UGT1A10: variants seen among roughly 807,000 people sequenced by gnomAD.
UGT1A10 encodes the protein UDP glucuronosyltransferase family 1 member A10, also known as UDP-glucuronosyltransferase 1A10.
UGT1A10 carries 49 observed loss-of-function variants against 45.8 expected under a neutral mutation model. The ratio of observed to expected loss-of-function variants is 1.07; its 90% CI spans 0.85 to 1.36. The LOEUF (loss-of-function observed/expected upper bound fraction) is 1.36. UGT1A10 is among the 40% of genes most tolerant of loss of function. The pLI is 0.00. For synonymous variants in UGT1A10, 284 were observed against 249.7 expected, an observed-to-expected ratio of 1.14 and a Z score of -1.29; for missense variants, 745 against 668.6, an observed-to-expected ratio of 1.11 and a Z score of -1.26.
chr2:233,725,696 T>A (rs1461246019), intron 1 of UGT1A10, among the ~76,000 whole-genome samples: 1 of 152,258 alleles, frequency 6.6e-6, no homozygotes, highest in African/African-American at 2.4e-5. Context: ...AATAGTCATA[T>A]GTAGTTAGTG....
chr2:233,673,020 T>C (rs2074248556), intron 1 of UGT1A10, among the ~76,000 whole-genome samples: 1 of 152,228 alleles, frequency 6.6e-6, no homozygotes, highest in Admixed American at 6.5e-5. Context: ...ATATTCAGCC[T>C]ACATTTTTAA....
intron 1 of UGT1A10, among the ~76,000 whole-genome samples, chr2:233,715,166 G>A (rs568439911): frequency 2.0e-5 from 3 of 152,228 alleles, no homozygotes; most frequent in East Asian, 3.9e-4. Context: ...AATTACAGGC[G>A]CGAGCCACCA....
At chr2:233,738,533 C>T (rs762024449) in intron 1 of UGT1A10, among the ~76,000 whole-genome samples, 4 of 152,178 alleles carry the variant, frequency 2.6e-5, no homozygotes, top group African/African-American at 9.7e-5. Context: ...CAATGAAGTC[C>T]AGGCTGAGTC....
At chr2:233,679,308 C>A (rs139056662) in intron 1 of UGT1A10, among the ~76,000 whole-genome samples, 28 of 152,316 alleles carry the variant, frequency 1.8e-4, no homozygotes, top group African/African-American at 6.0e-4. Flanking sequence ...CTTGATGGAA[C>A]CAATCCAGAA....
chr2:233,640,892 C>T (rs1339535752), intron 1 of UGT1A10, among the ~76,000 whole-genome samples: 2 of 152,134 alleles, frequency 1.3e-5, no homozygotes, highest in Admixed American at 1.3e-4. Context: ...AAGAGCTAGG[C>T]TGGCAGGACC....
At chr2:233,747,348 G>A (rs1230445654) in intron 1 of UGT1A10, 17 of 1,603,310 alleles carry the variant, frequency 1.1e-5, no homozygotes, top group African/African-American at 4.0e-5. Context: ...TCGCATGCGG[G>A]AGGCCGTGCG....
At chr2:233,723,514 A>ACC (rs1243846588) in intron 1 of UGT1A10, among the ~76,000 whole-genome samples, 21 of 107,656 alleles carry the variant, frequency 2.0e-4, no homozygotes, top group African/African-American at 9.0e-4. Flanking sequence ...CTGGTCAACA[A>ACC]TCTTTTTTTT....
Position 233,636,555 on chromosome 2 carries a change from T to G in UGT1A10, c.33T>G (p.Pro11=). Residue 11 remains proline, a synonymous_variant, in exon 1 of 5, where the codon CCT becomes CCG. Transcript: ENST00000344644. MARAGWTSPV[P]LCVCLLLTCG... ...GCGCAGGGTGGACCAGCCCCGTTCC[T>G]TTATGTGTGTGTCTACTGCTGACCT... 1 of 1,614,156 alleles carries G rather than the reference T, an allele frequency of 6.2e-7. No homozygotes were observed. The highest frequency in any genetic ancestry group is 1.1e-5 in the South Asian group (1 of 91,078).
chr2:233,772,227 T>G, intron 4 of UGT1A10, 35 bp from the exon 5 acceptor site: 7 of 1,613,472 alleles, frequency 4.3e-6, no homozygotes, highest in Non-Finnish European at 5.1e-6. Flanking sequence ...ATACCACAGG[T>G]GTTCCAGGCA....
intron 1 of UGT1A10, chr2:233,719,192 T>A (rs770140125): frequency 1.2e-5 from 20 of 1,614,046 alleles, no homozygotes; most frequent in Admixed American, 1.2e-4. Flanking sequence ...CTTTGGCCCT[T>A]CATAGGTGTT....
chr2:233,723,176 A>G (rs1210929183), intron 1 of UGT1A10, among the ~76,000 whole-genome samples: 2 of 134,084 alleles, frequency 1.5e-5, no homozygotes, highest in African/African-American at 5.9e-5. Context: ...TGCCCAAACC[A>G]TAGAAGGGTC....
At chr2:233,738,538 T>C (rs1559382457) in intron 1 of UGT1A10, among the ~76,000 whole-genome samples, 1 of 152,194 alleles carries the variant, frequency 6.6e-6, no homozygotes, top group Non-Finnish European at 1.5e-5. Context: ...AAGTCCAGGC[T>C]GAGTCTCAGA....
chr2:233,770,111 G>A (rs1335443900), intron 4 of UGT1A10: 1 of 152,202 alleles, frequency 6.6e-6, no homozygotes, highest in Non-Finnish European at 1.5e-5. Flanking sequence ...TGTAACCTAA[G>A]AACAACTTGG....
At chr2:233,670,596 G>T (rs2074163409) in intron 1 of UGT1A10, among the ~76,000 whole-genome samples, 1 of 152,190 alleles carries the variant, frequency 6.6e-6, no homozygotes, top group Non-Finnish European at 1.5e-5. Context: ...TGATTCAAAA[G>T]CACTCATCTC....
intron 1 of UGT1A10, among the ~76,000 whole-genome samples, chr2:233,655,037 C>G (rs769656199): frequency 1.3e-4 from 20 of 151,428 alleles, no homozygotes; most frequent in Non-Finnish European, 2.4e-4. Flanking sequence ...TGCAGTGAGC[C>G]GAGATCATAC....
At chr2:233,747,624 A>C in intron 1 of UGT1A10, 3 of 1,577,546 alleles carry the variant, frequency 1.9e-6, no homozygotes, top group Non-Finnish European at 2.6e-6. Flanking sequence ...TGAGGCCCTG[A>C]TCAGGCACCT....
intron 1 of UGT1A10, among the ~76,000 whole-genome samples, chr2:233,694,153 A>T (rs1344933660): frequency 2.0e-5 from 3 of 152,202 alleles, no homozygotes; most frequent in African/African-American, 7.2e-5. Flanking sequence ...GAAATGTCCC[A>T]GTTCAAACAG....
At chr2:233,675,885 C>T (rs925540036) in intron 1 of UGT1A10, among the ~76,000 whole-genome samples, 27 of 152,070 alleles carry the variant, frequency 1.8e-4, no homozygotes, top group Admixed American at 1.2e-3. Context: ...GCCACAATAT[C>T]ATTATCATAT....
Position 233,682,922 on chromosome 2 carries a change from T to C in UGT1A10, c.855+45545T>C, listed in dbSNP as rs2074607007. Reference sequence around the variant, plus strand: ...TTCTTTCTGGTTTAAGGAATTCTTTTGTACCAATTCACTTAATTGTTGGGT... The same window carrying C: ...TTCTTTCTGGTTTAAGGAATTCTTTCGTACCAATTCACTTAATTGTTGGGT... On this transcript the variant is annotated intron_variant, in intron 1 of 4. Transcript: ENST00000344644. 2.0e-6 allele frequency: 3 copies of C among 1,477,034 alleles called. No homozygotes were observed. The African/African-American group carries it at 4.2e-5, about 21-fold the overall frequency. 91.5% of individuals were successfully genotyped at this position (1,477,034 alleles called of 1,614,324 possible).
Sources: allele counts gnomAD v4.1 joint callset (sites outside exome capture counted in the v4.1 genomes callset), GRCh38; gene constraint gnomAD v4.1.1; transcripts MANE v1.5; gene names NCBI Gene and HGNC (gene_info 2026-07-23, HGNC 2026-07-21).